Variants in STK32C observed in about 807,000 individuals in gnomAD.
STK32C encodes the protein serine/threonine-protein kinase 32C.
In STK32C, 31 loss-of-function variants were observed where a neutral mutation model predicts 56.5. That is an observed-to-expected ratio of 0.55 (90% CI 0.41 to 0.74). The LOEUF is 0.74. Among genes scored for constraint, STK32C ranks in the 30% least tolerant of loss-of-function variants. STK32C has a pLI of 0.00. For missense variants in STK32C, 544 were observed against 676.9 expected (o/e 0.80, Z 2.18); for synonymous variants, 309 against 289.4 (o/e 1.07, Z -0.69).
At chr10:132,282,994 A>C (rs1272496176) in intron 1 of STK32C, among the ~76,000 whole-genome samples, 1 of 152,216 alleles carries the variant, frequency 6.6e-6, no homozygotes, top group African/African-American at 2.4e-5. Context: ...AGGCTGCACC[A>C]ATCACATTCC....
At chr10:132,225,835 G>A (rs764710256) in intron 4 of STK32C, 51 bp from the exon 5 acceptor site, 1 of 1,610,494 alleles carries the variant, frequency 6.2e-7, no homozygotes, top group South Asian at 1.1e-5. Context: ...CCCTGTTTCT[G>A]CCCTGGAATC....
chr10:132,295,752 C>G (rs575901816), intron 1 of STK32C, among the ~76,000 whole-genome samples: 32 of 152,202 alleles, frequency 2.1e-4, no homozygotes, highest in African/African-American at 7.0e-4. Context: ...GGTGTGGTGG[C>G]GCACGCCTGT....
At chr10:132,231,605 C>T (rs1299434513) in intron 2 of STK32C, among the ~76,000 whole-genome samples, 2 of 152,202 alleles carry the variant, frequency 1.3e-5, no homozygotes, top group Non-Finnish European at 2.9e-5. Flanking sequence ...CCACCAGGAG[C>T]CTCGGAATGT....
At chr10:132,223,615 A>G (rs974305973) in intron 8 of STK32C, among the ~76,000 whole-genome samples, 1 of 152,198 alleles carries the variant, frequency 6.6e-6, no homozygotes, top group African/African-American at 2.4e-5. Context: ...GGGCTACAGC[A>G]GAGTTAAGAG....
At chr10:132,292,349 C>T (rs547419360) in intron 1 of STK32C, among the ~76,000 whole-genome samples, 8 of 152,278 alleles carry the variant, frequency 5.3e-5, no homozygotes, top group Non-Finnish European at 1.0e-4. Flanking sequence ...CCTCTCCATC[C>T]GGGCACTCAA....
chr10:132,286,033 G>A (rs1358236939), intron 1 of STK32C, among the ~76,000 whole-genome samples: 3 of 152,044 alleles, frequency 2.0e-5, no homozygotes, highest in Non-Finnish European at 4.4e-5. Flanking sequence ...GGCTGAGGCA[G>A]GAGAATGGCG....
intron 1 of STK32C, among the ~76,000 whole-genome samples, chr10:132,304,132 G>A (rs1043622939): frequency 6.6e-6 from 1 of 152,226 alleles, no homozygotes; most frequent in African/African-American, 2.4e-5. Context: ...GATCTGCAAC[G>A]ATGTTCATCA....
intron 2 of STK32C, among the ~76,000 whole-genome samples, chr10:132,241,997 C>A (rs2063518391): frequency 6.6e-6 from 1 of 152,014 alleles, no homozygotes; most frequent in Non-Finnish European, 1.5e-5. Context: ...GTAGTCCCAG[C>A]TACTCAGGAG....
upstream of STK32C, among the ~76,000 whole-genome samples, chr10:132,308,272 C>T (rs1253432032): frequency 6.6e-6 from 1 of 152,110 alleles, no homozygotes. Flanking sequence ...CAGGGAGCGT[C>T]CCCACGGGTA....
At chr10:132,298,733 C>A (rs2065829998) in intron 1 of STK32C, among the ~76,000 whole-genome samples, 1 of 151,950 alleles carries the variant, frequency 6.6e-6, no homozygotes, top group South Asian at 2.1e-4. Flanking sequence ...GTCACCCAGG[C>A]AGTGTGTGGG....
chr10:132,280,699 A>ACGCACCTCCACTCCG (rs1364853888), intron 1 of STK32C, among the ~76,000 whole-genome samples: 10 of 146,674 alleles, frequency 6.8e-5, no homozygotes, highest in East Asian at 2.1e-4. Flanking sequence ...CTCCGTGATC[A>ACGCACCTCCACTCCG]TGAACCTCCA....
In STK32C at chr10:132,222,915, G is replaced by T. The variant is rs752530760; in HGVS notation, c.1065C>A (p.Gly355=). 1.3e-6 allele frequency: 2 copies of T among 1,559,520 alleles called. No individual in the cohort carries two copies. Among genetic ancestry groups the T allele is most frequent in the South Asian group, 1.2e-5 (1 of 85,354 alleles). ...TCTCGCTCAGGTGGTCCCACAGCAC[G>T]CCGGCCAGCGCCGGGGCTGCCTGCA... ...QDVQAAPALA[G]VLWDHLSEKR... Residue 355 remains glycine (G), a synonymous_variant, in exon 9 of 12, where the codon GGC becomes GGA. Transcript: ENST00000298630.
chr10:132,309,447 AT>A (rs1189992449), upstream of STK32C, among the ~76,000 whole-genome samples: 1 of 152,180 alleles, frequency 6.6e-6, no homozygotes, highest in Non-Finnish European at 1.5e-5. Flanking sequence ...TTTAGAGGGT[AT>A]TTTTATGGCA....
intron 10 of STK32C, among the ~76,000 whole-genome samples, chr10:132,221,586 GAT>G (rs1590160650): frequency 7.9e-6 from 1 of 127,240 alleles, no homozygotes; most frequent in African/African-American, 3.1e-5. Context: ...AACTGACACC[GAT>G]ACACCTGGGT....
intron 1 of STK32C, among the ~76,000 whole-genome samples, chr10:132,254,222 C>T (rs12246155): frequency 0.14 from 21,833 of 151,976 alleles, 1,769 homozygotes; most frequent in East Asian, 0.24. Context: ...GGCAGGAGAA[C>T]GGCATGAACC....
chr10:132,214,888 AGAG>A (rs1202405056), intron 10 of STK32C, among the ~76,000 whole-genome samples: 5 of 152,270 alleles, frequency 3.3e-5, no homozygotes, highest in Non-Finnish European at 5.9e-5. Context: ...ACAGGCCAGG[AGAG>A]GAGATAAACT....
chr10:132,211,728 C>G (rs73401710), intron 10 of STK32C, among the ~76,000 whole-genome samples: 3 of 152,188 alleles, frequency 2.0e-5, no homozygotes, highest in Admixed American at 1.3e-4. Flanking sequence ...AGGGGCCCTT[C>G]GCCCATGACT....
At chr10:132,236,870 C>T (rs2063310777) in intron 2 of STK32C, among the ~76,000 whole-genome samples, 1 of 152,212 alleles carries the variant, frequency 6.6e-6, no homozygotes, top group Non-Finnish European at 1.5e-5. Flanking sequence ...GTGTTGGCCC[C>T]AGGGTCCCTG....
At chr10:132,221,818 ACAACTG>A (rs1186193475) in intron 10 of STK32C, among the ~76,000 whole-genome samples, 3 of 119,278 alleles carry the variant, frequency 2.5e-5, no homozygotes, top group African/African-American at 3.3e-5. Context: ...GCACACACTC[ACAACTG>A]ACATCAACGC....
Sources: gnomAD v4.1 joint callset for allele counts (sites outside exome capture counted in the v4.1 genomes callset) on GRCh38, gnomAD v4.1.1 for gene constraint, MANE v1.5 for transcripts, NCBI Gene and HGNC (gene_info 2026-07-23, HGNC 2026-07-21) for gene names.